EXTL1: variants seen among roughly 807,000 people sequenced by gnomAD.
The protein encoded by EXTL1 is exostosin-like 1.
In EXTL1, 43 loss-of-function variants were observed where a neutral mutation model predicts 64.6. The ratio of observed to expected loss-of-function variants is 0.67; its 90% CI spans 0.52 to 0.86. The LOEUF (loss-of-function observed/expected upper bound fraction) is 0.86. Among genes scored for constraint, EXTL1 ranks in the 40% least tolerant of loss-of-function variants. The pLI, the probability that EXTL1 is intolerant of heterozygous loss-of-function variation, is 0.00. For missense variants in EXTL1, 766 were observed against 879.0 expected, an observed-to-expected ratio of 0.87 and a Z score of 1.62; for synonymous variants, 352 against 360.5, an observed-to-expected ratio of 0.98 and a Z score of 0.27.
chr1:26,024,341 C>T (rs749877844), intron 1 of EXTL1, among the ~76,000 whole-genome samples: 3 of 152,116 alleles, frequency 2.0e-5, no homozygotes, highest in Non-Finnish European at 4.4e-5. Flanking sequence ...CTTCTGTATC[C>T]CACCATCTCC....
rs781387666 is a variant in EXTL1 at position 26,035,317 on chromosome 1, C to A, written c.2001C>A (p.Arg667=). The A allele has an allele frequency of 7.4e-6, 12 of 1,611,970 alleles. No individual in the cohort carries two copies. The highest frequency in any genetic ancestry group is 1.3e-5 in the African/African-American group (1 of 75,008). Residue 667 remains arginine (R), a synonymous_variant, in exon 11 of 11, where the codon CGC becomes CGA. Transcript: ENST00000374280. This position sits in a 1 kb window ranked among gnomAD's most constrained non-coding sequence, Gnocchi z 5.3. The stretch of plus-strand genomic sequence containing the variant: ...TTAAGGACCCGGTGTCCGTGCAGCG[C>A]AAGAAGTACCGCAGCCTGGAGAAGC... ...VLFKDPVSVQ[R]KKYRSLEKP is the part of the protein sequence containing the mutation.
intron 1 of EXTL1, among the ~76,000 whole-genome samples, chr1:26,024,627 C>T (rs1402135040): frequency 1.3e-5 from 2 of 152,098 alleles, no homozygotes; most frequent in Admixed American, 1.3e-4. Flanking sequence ...GCCCCAGGGT[C>T]CTTTTGCTGG....
Position 26,035,057 on chromosome 1 carries a change from G to A in EXTL1, c.1848+53G>A. On this transcript the variant is annotated intron_variant, in intron 10 of 10. Coordinates refer to ENST00000374280, the MANE Select transcript of EXTL1 (RefSeq NM_004455.3). The surrounding 1 kb of genome is among the most constrained non-coding windows in gnomAD (Gnocchi z 5.3). ...CTGGCAGGGATTGGGCGGGGATGCC[G>A]GAGAGGATTCCCTCTCACTGTCTAA... is the stretch of plus-strand genomic sequence containing the variant. The A allele has an allele frequency of 6.2e-7, 1 of 1,603,782 alleles. No individual in the cohort carries two copies. Among genetic ancestry groups the A allele is most frequent in the South Asian group, 1.1e-5 (1 of 90,402 alleles).
rs2050175614 is a variant in EXTL1, at chr1:26,023,273, T to TG, written c.631dup (p.Ala211GlyfsTer43). 1 of 1,580,496 alleles carries TG rather than the reference T, an allele frequency of 6.3e-7. No individual in the cohort carries two copies. On this transcript the variant is annotated frameshift_variant, in exon 1 of 11. Transcript: ENST00000374280. LOFTEE classifies it high-confidence loss of function. Reference sequence around the variant, plus strand: ...TCCCTGAAGCCCACCCGTTGCGAGGTGGGGCTCCTGGCCAGCTGCGGCAAC... The same window carrying TG: ...TCCCTGAAGCCCACCCGTTGCGAGGTGGGGGCTCCTGGCCAGCTGCGGCAAC...
Position 26,022,802 on chromosome 1 carries a change from A to G in EXTL1, c.156A>G (p.Ala52=). The G allele has an allele frequency of 6.2e-7, 1 of 1,614,016 alleles. No homozygotes were observed. Among genetic ancestry groups the G allele is most frequent in the South Asian group, 1.1e-5 (1 of 91,082 alleles). ...AAGGCTGGCCCCGCTGGCTGGATGC[A>G]GAGCTCCTGCAGAGCTTCTCCCAGC... ...ASQGWPRWLD[A]ELLQSFSQPG... is the part of the protein sequence containing the mutation. The change falls in exon 1 of 11, where the codon GCA becomes GCG. Residue 52 remains alanine (A), a synonymous_variant. Transcript: ENST00000374280.
chr1:26,026,986 GCAC>G (rs1254178758), intron 1 of EXTL1, among the ~76,000 whole-genome samples: 119 of 152,316 alleles, frequency 7.8e-4, no homozygotes, highest in African/African-American at 2.8e-3. Context: ...CCCACTGGCT[GCAC>G]GCTCAACCAG....
At chr1:26,032,096 A>T (rs2050293246) in intron 6 of EXTL1, 9 of 327,592 alleles carry the variant, frequency 2.7e-5, no homozygotes. Context: ...GCTTCGAGAA[A>T]AGATGAGGAT....
chr1:26,026,161 C>G (rs1253301942), intron 1 of EXTL1, among the ~76,000 whole-genome samples: 2 of 151,044 alleles, frequency 1.3e-5, no homozygotes, highest in African/African-American at 4.9e-5. Flanking sequence ...ATCGCTTGAG[C>G]CCAGGGTGTC....
At chr1:26,024,022 G>C (rs2050186012) in intron 1 of EXTL1, among the ~76,000 whole-genome samples, 1 of 151,954 alleles carries the variant, frequency 6.6e-6, no homozygotes. Flanking sequence ...TCTAATTTTG[G>C]GGATTAACCT....
chr1:26,030,654 C>T (rs2050272864), intron 4 of EXTL1, 59 bp downstream of exon 4: 10 of 1,545,626 alleles, frequency 6.5e-6, no homozygotes, highest in Non-Finnish European at 7.9e-6. Context: ...TCCCTGTCAC[C>T]TCTCCATACT....
In EXTL1 at chr1:26,035,104, G is replaced by C. The variant is rs972187065; in HGVS notation, c.1849-61G>C. 15 of 1,586,442 alleles carry C rather than the reference G, an allele frequency of 9.5e-6. No individual in the cohort carries two copies. Among genetic ancestry groups the C allele is most frequent in the Non-Finnish European group, 1.3e-5 (15 of 1,161,466 alleles). On this transcript the variant is annotated intron_variant, in intron 10 of 10. Coordinates refer to ENST00000374280, the MANE Select transcript of EXTL1 (RefSeq NM_004455.3). This position sits in a 1 kb window ranked among gnomAD's most constrained non-coding sequence, Gnocchi z 5.3. ...CTAATTCCAGTCTTTCTTGCTGCACGGGCGTGGGGAGTTCGGAAGGGCAGA... is the reference window on the plus strand; with the variant it reads ...CTAATTCCAGTCTTTCTTGCTGCACCGGCGTGGGGAGTTCGGAAGGGCAGA...
intron 1 of EXTL1, among the ~76,000 whole-genome samples, chr1:26,024,206 T>C (rs1557549729): frequency 6.6e-6 from 1 of 152,106 alleles, no homozygotes; most frequent in African/African-American, 2.4e-5. Context: ...CCTCAGGTGA[T>C]AGTTATCCCC....
chr1:26,023,148 C>T lies in EXTL1; in HGVS notation c.502C>T (p.Pro168Ser), dbSNP rs1399476057. 4.3e-6 allele frequency: 7 copies of T among 1,613,944 alleles called. 1 individual carries two copies. The South Asian group carries it at 5.5e-5, about 13-fold the overall frequency. Residue 168 changes from proline to serine, a missense_variant, in exon 1 of 11, where the codon CCC (proline) becomes TCC (serine). Pro to Ser is a moderately conservative substitution (Grantham distance 74, BLOSUM62 -1). Around this residue, in one of 3 missense-constraint regions of EXTL1, gnomAD observed 571 missense variants for 647.6 expected, o/e 0.88. Transcript: ENST00000374280. ...NHLVLRLHPA[P>S]CPRTFQLGQA... ...TCTGGTCCTCCGTCTCCACCCGGCT[C>T]CCTGCCCCAGGACCTTCCAGCTGGG...
Position 26,033,865 on chromosome 1 carries a change from C to A in EXTL1, c.1679+9C>A, listed in dbSNP as rs200218254. 45 of 1,609,292 alleles carry A rather than the reference C, an allele frequency of 2.8e-5. No homozygotes were observed. Among genetic ancestry groups the A allele is most frequent in the Non-Finnish European group, 3.8e-5 (45 of 1,177,300 alleles). On this transcript the variant is annotated intron_variant, in intron 9 of 10. Coordinates refer to ENST00000374280, the MANE Select transcript of EXTL1 (RefSeq NM_004455.3). The surrounding 1 kb of genome is among the most constrained non-coding windows in gnomAD (Gnocchi z 5.1). ...GCCGCCTTCTACCATAGGTACAGAC[C>A]CCTACCCTGCACAGGGATCAGAGTA...
chr1:26,026,601 T>C (rs1463102653), intron 1 of EXTL1, among the ~76,000 whole-genome samples: 1 of 152,172 alleles, frequency 6.6e-6, no homozygotes, highest in Non-Finnish European at 1.5e-5. Flanking sequence ...GCAGAAAATG[T>C]TTTAATATAT....
rs1207850453 is a variant in EXTL1 at position 26,031,723 on chromosome 1, A to AT, written c.1341+159dup. ...CTTGCTGCCTCCTGTAAGTCCCAAG[A>AT]TTCTGTTGCCTTTTCCCCATGGAAA... On this transcript the variant is annotated intron_variant, in intron 6 of 10. Coordinates refer to ENST00000374280, the MANE Select transcript of EXTL1 (RefSeq NM_004455.3). Among the ~76,000 whole-genome samples the AT allele has an allele frequency of 3.3e-5, 5 of 152,368 alleles. No homozygotes were observed. In the East Asian group the frequency reaches 9.6e-4, roughly 29 times the overall value.
At chr1:26,030,224 T>G (rs2050267037) in intron 3 of EXTL1, among the ~76,000 whole-genome samples, 1 of 152,124 alleles carries the variant, frequency 6.6e-6, no homozygotes, top group Non-Finnish European at 1.5e-5. Context: ...GCCTCTACAA[T>G]GTACTAAGCA....
rs374798428 is a variant in EXTL1 at position 26,029,221 on chromosome 1, G to C, written c.808G>C (p.Ala270Pro). The C allele has an allele frequency of 1.1e-5, 18 of 1,613,668 alleles. No homozygotes were observed. Among genetic ancestry groups the C allele is most frequent in the Non-Finnish European group, 1.3e-5 (15 of 1,179,884 alleles). Residue 270 changes from alanine to proline, a missense_variant, in exon 2 of 11, where the codon GCC becomes CCC. Physicochemically the swap from Ala to Pro is conservative, Grantham distance 27. Transcript: ENST00000374280. ...CCAGCGCCAGGAGACGCTGCCCAAT[G>C]CCACCTTCTGCCTCATCTCTGGCCA... is the stretch of plus-strand genomic sequence containing the variant. ...QTQRQETLPN[A>P]TFCLISGHRP...
At chr1:26,024,279 C>T (rs1322342796) in intron 1 of EXTL1, among the ~76,000 whole-genome samples, 1 of 152,106 alleles carries the variant, frequency 6.6e-6, no homozygotes, top group Non-Finnish European at 1.5e-5. Flanking sequence ...GCTGGGCAGG[C>T]AAGAATGGGA....
Sources: gnomAD v4.1 joint callset for allele counts (sites outside exome capture counted in the v4.1 genomes callset) on GRCh38, gnomAD v4.1.1 for gene constraint, gnomAD v4.1.1 regional missense constraint, Gnocchi (gnomAD v3.1) non-coding constraint, MANE v1.5 for transcripts, NCBI Gene and HGNC (gene_info 2026-07-23, HGNC 2026-07-21) for gene names.